The following PTPRG variants were observed in gnomAD, a reference collection of about 807,000 sequenced individuals.
PTPRG encodes protein tyrosine phosphatase receptor type G.
In PTPRG, 102 loss-of-function variants were observed where a neutral mutation model predicts 165.3. That is an observed-to-expected ratio of 0.62 (90% confidence interval 0.53 to 0.73). The LOEUF (loss-of-function observed/expected upper bound fraction) is 0.73, where lower values mean the gene tolerates loss of function less well. Among genes scored for constraint, PTPRG ranks in the 30% least tolerant of loss-of-function variants. The pLI, the probability that PTPRG is intolerant of heterozygous loss-of-function variation, is 0.00. For synonymous variants in PTPRG, 675 were observed against 669.5 expected, an observed-to-expected ratio of 1.01 and a Z score of -0.13; for missense variants, 1,866 against 1,861.4, an observed-to-expected ratio of 1.00 and a Z score of -0.05.
At position 62,246,470 on chromosome 3, in the gene PTPRG, A is replaced by G. The variant is rs576272391; in HGVS notation, c.2467+2572A>G. ...AAATAAAACCCCACAGTCCTATTTA[A>G]TAGTTACATTTGGAAAATATTTTAA... On this transcript the variant is annotated intron_variant, in intron 15 of 29. Transcript: ENST00000474889. 9.8e-5 allele frequency among the ~76,000 whole-genome samples: 15 copies of G among 152,302 alleles called. No individual in the cohort carries two copies. The South Asian group carries it at 2.9e-3, about 29-fold the overall frequency.
chr3:61,856,825 G>A (rs1218347506), intron 2 of PTPRG, among the ~76,000 whole-genome samples: 1 of 152,134 alleles, frequency 6.6e-6, no homozygotes, highest in African/African-American at 2.4e-5. Flanking sequence ...AGTCTTATGA[G>A]GAGGACTGGA....
chr3:61,972,304 A>G (rs952636652), intron 2 of PTPRG, among the ~76,000 whole-genome samples: 6 of 152,192 alleles, frequency 3.9e-5, no homozygotes, highest in Non-Finnish European at 8.8e-5. Flanking sequence ...AGAAGCTGTG[A>G]TCAGGGAGGT....
chr3:62,218,430 C>T (rs2106884664), intron 12 of PTPRG, among the ~76,000 whole-genome samples: 1 of 152,258 alleles, frequency 6.6e-6, no homozygotes, highest in South Asian at 2.1e-4. Flanking sequence ...TCATGCCAGC[C>T]CTCTTGCCCT....
Position 62,271,606 on chromosome 3 carries a change from C to T in PTPRG, c.3182+51C>T, listed in dbSNP as rs768792673. 6.6e-7 allele frequency: 1 copy of T among 1,525,332 alleles called. No individual in the cohort carries two copies. The highest frequency in any genetic ancestry group is 2.3e-5 in the East Asian group (1 of 43,806). 94.5% of individuals were successfully genotyped at this position (1,525,332 alleles called of 1,614,324 possible). ...AATAGATGGGGCAGGGGACTTAGGC[C>T]TCAGTGACCTTGGACCACAATGATT... On this transcript the variant is annotated intron_variant, in intron 21 of 29. Transcript: ENST00000474889. This position sits in a 1 kb window ranked among gnomAD's most constrained non-coding sequence, Gnocchi z 4.1.
intron 1 of PTPRG, among the ~76,000 whole-genome samples, chr3:61,651,342 C>T (rs191553070): frequency 2.1e-5 from 3 of 143,726 alleles, no homozygotes; most frequent in Non-Finnish European, 3.0e-5. Context: ...TTGTCGTTGA[C>T]ATTTTGTCCC....
intron 5 of PTPRG, among the ~76,000 whole-genome samples, chr3:62,093,665 A>G (rs1702017888): frequency 6.6e-6 from 1 of 152,182 alleles, no homozygotes; most frequent in African/African-American, 2.4e-5. Flanking sequence ...ACTCAGGTAC[A>G]AGGGATTAGG....
At chr3:62,056,871 C>T (rs959127884) in intron 4 of PTPRG, among the ~76,000 whole-genome samples, 4 of 152,196 alleles carry the variant, frequency 2.6e-5, no homozygotes, top group African/African-American at 9.6e-5. Flanking sequence ...CAAACTGTTT[C>T]TGTTGAACTT....
chr3:61,730,606 G>A (rs2032454366), intron 1 of PTPRG, among the ~76,000 whole-genome samples: 1 of 152,116 alleles, frequency 6.6e-6, no homozygotes, highest in African/African-American at 2.4e-5. Flanking sequence ...GATCTGAGGG[G>A]TGTGTTTGTC....
chr3:62,045,886 G>T (rs192809633), intron 4 of PTPRG, among the ~76,000 whole-genome samples: 1 of 152,324 alleles, frequency 6.6e-6, no homozygotes, highest in East Asian at 1.9e-4. Context: ...GCAAAGGTGA[G>T]GCAAAGTGAT....
chr3:61,612,428 A>G (rs1304306199), intron 1 of PTPRG, among the ~76,000 whole-genome samples: 2 of 152,204 alleles, frequency 1.3e-5, no homozygotes, highest in Admixed American at 1.3e-4. Context: ...AGTGAGATGC[A>G]CATGTGCCTC....
chr3:61,833,547 A>C (rs751985435), intron 2 of PTPRG, among the ~76,000 whole-genome samples: 20 of 151,984 alleles, frequency 1.3e-4, no homozygotes, highest in Non-Finnish European at 2.6e-4. Flanking sequence ...TCATTCCGGC[A>C]AAGTGTTTTC....
chr3:62,068,651 T>C (rs1041114793), intron 4 of PTPRG, among the ~76,000 whole-genome samples: 1 of 152,008 alleles, frequency 6.6e-6, no homozygotes, highest in Non-Finnish European at 1.5e-5. Context: ...AGTGTTTTTG[T>C]TTTGTTTTGG....
chr3:62,293,268 T>A lies in PTPRG; in HGVS notation c.4299T>A (p.Asp1433Glu). ...VDKNGAVLIA[D>E]ESDPAESMES... ...AAAATGGTGCTGTTCTTATTGCAGA[T>A]GAATCAGACCCTGCTGAGAGCATGG... The change falls in exon 30 of 30, where the codon GAT becomes GAA. Residue 1433 changes from aspartate to glutamate, a missense_variant. Asp to Glu is a conservative substitution (Grantham distance 45). Transcript: ENST00000474889. 6.2e-7 allele frequency: 1 copy of A among 1,609,778 alleles called. No homozygotes were observed. Among genetic ancestry groups the A allele is most frequent in the Non-Finnish European group, 8.5e-7 (1 of 1,178,574 alleles).
chr3:62,127,367 G>C (rs933566515), intron 5 of PTPRG, among the ~76,000 whole-genome samples: 3 of 152,206 alleles, frequency 2.0e-5, no homozygotes, highest in African/African-American at 7.2e-5. Flanking sequence ...GGGAGATTCA[G>C]ATGTGAAATC....
chr3:61,649,066 T>C (rs895234616), intron 1 of PTPRG, among the ~76,000 whole-genome samples: 1 of 152,166 alleles, frequency 6.6e-6, no homozygotes, highest in African/African-American at 2.4e-5. Flanking sequence ...TCTAAGTTTG[T>C]TTTTCATTGT....
At chr3:61,783,733 G>A (rs916321935) in intron 2 of PTPRG, among the ~76,000 whole-genome samples, 6 of 152,136 alleles carry the variant, frequency 3.9e-5, no homozygotes, top group African/African-American at 4.8e-5. Flanking sequence ...AGCTCATGCT[G>A]GGTGGAGGGC....
intron 6 of PTPRG, among the ~76,000 whole-genome samples, chr3:62,152,437 T>A (rs904979925): frequency 6.6e-6 from 1 of 152,202 alleles, no homozygotes; most frequent in African/African-American, 2.4e-5. Flanking sequence ...TTCCTCCCAG[T>A]GGCTATACTC....
intron 1 of PTPRG, among the ~76,000 whole-genome samples, chr3:61,581,744 G>A (rs1338887475): frequency 2.6e-5 from 4 of 151,556 alleles, no homozygotes; most frequent in African/African-American, 9.7e-5. Context: ...CAAGTAGCTG[G>A]AATTAGAGGC....
chr3:62,026,004 G>T (rs998759011), intron 4 of PTPRG, among the ~76,000 whole-genome samples: 2 of 152,192 alleles, frequency 1.3e-5, no homozygotes, highest in African/African-American at 4.8e-5. Context: ...TCAATAAAGG[G>T]TATGTTATTA....
Sources: gnomAD v4.1 joint callset for allele counts (sites outside exome capture counted in the v4.1 genomes callset) on GRCh38, gnomAD v4.1.1 for gene constraint, Gnocchi (gnomAD v3.1) non-coding constraint, MANE v1.5 for transcripts, NCBI Gene and HGNC (gene_info 2026-07-23, HGNC 2026-07-21) for gene names.